Variants in APC observed in about 807,000 individuals in gnomAD.
APC encodes adenomatous polyposis coli protein.
In APC, 72 loss-of-function variants were observed where a neutral mutation model predicts 247.0. The ratio of observed to expected loss-of-function variants is 0.29; its 90% CI spans 0.24 to 0.35. The LOEUF is 0.35. Among genes scored for constraint, APC ranks in the 10% least tolerant of loss-of-function variants. The pLI, the probability that APC is intolerant of heterozygous loss-of-function variation, is 1.00. For synonymous variants in APC, 1,254 were observed against 1,162.5 expected, an observed-to-expected ratio of 1.08 and a Z score of -1.60; for missense variants, 3,400 against 3,360.7, an observed-to-expected ratio of 1.01 and a Z score of -0.29.
intron 1 of APC, among the ~76,000 whole-genome samples, chr5:112,719,696 G>A (rs908621149): frequency 2.6e-5 from 4 of 151,724 alleles, no homozygotes; most frequent in Admixed American, 6.6e-5. Context: ...CATCACACCC[G>A]GCTAATTTTT....
chr5:112,757,400 G>A (rs1024227722), intron 2 of APC, among the ~76,000 whole-genome samples: 7 of 151,998 alleles, frequency 4.6e-5, no homozygotes, highest in East Asian at 1.9e-4. Context: ...ATATAAACTC[G>A]AATCACGTTT....
At chr5:112,739,605 T>C (rs1367275970) in intron 1 of APC, among the ~76,000 whole-genome samples, 1 of 152,188 alleles carries the variant, frequency 6.6e-6, no homozygotes, top group Non-Finnish European at 1.5e-5. Flanking sequence ...ATGCCTGTAA[T>C]ACAAGCTAAA....
At chr5:112,717,557 A>G (rs1259696295) in intron 1 of APC, among the ~76,000 whole-genome samples, 2 of 152,146 alleles carry the variant, frequency 1.3e-5, no homozygotes, top group Non-Finnish European at 2.9e-5. Flanking sequence ...TTTGCTAGGT[A>G]CAGAATTCTA....
intron 1 of APC, among the ~76,000 whole-genome samples, chr5:112,715,710 G>A (rs1171937811): frequency 6.6e-6 from 1 of 152,122 alleles, no homozygotes; most frequent in African/African-American, 2.4e-5. Context: ...TTTGATACGT[G>A]TATAAAATGT....
intron 14 of APC, among the ~76,000 whole-genome samples, chr5:112,830,990 C>T (rs1013052828): frequency 3.3e-5 from 5 of 152,212 alleles, no homozygotes; most frequent in Non-Finnish European, 7.3e-5. Context: ...CTTAAGTACT[C>T]CTACTCTAAT....
At position 112,755,686 on chromosome 5, in the gene APC, G is replaced by A. The variant is rs150567014; in HGVS notation, c.135+661G>A. ...CACCTCCAAGACAGGTTAGAAAATCGTCTATAGTGGGGAAAATGTTCTGGT... is the reference window on the plus strand; with the variant it reads ...CACCTCCAAGACAGGTTAGAAAATCATCTATAGTGGGGAAAATGTTCTGGT... On this transcript the variant is annotated intron_variant, in intron 2 of 15. Transcript: ENST00000257430. Among the ~76,000 whole-genome samples, 738 of 152,238 alleles carry A rather than the reference G, an allele frequency of 4.8e-3. 3 individuals carry two copies. The highest frequency in any genetic ancestry group is 9.1e-3 in the Non-Finnish European group (621 of 68,010).
At chr5:112,790,052 G>A (rs983797222) in intron 6 of APC, among the ~76,000 whole-genome samples, 6 of 151,914 alleles carry the variant, frequency 3.9e-5, no homozygotes, top group African/African-American at 1.2e-4. Flanking sequence ...TAGAGACGGG[G>A]TTTCACCATG....
chr5:112,798,118 C>T (rs1561510258), intron 7 of APC, among the ~76,000 whole-genome samples: 1 of 152,190 alleles, frequency 6.6e-6, no homozygotes, highest in African/African-American at 2.4e-5. Flanking sequence ...AAGACTTAGA[C>T]TTGTATGTTC....
At chr5:112,821,561 T>A (rs1300741749) in intron 10 of APC, among the ~76,000 whole-genome samples, 6 of 152,022 alleles carry the variant, frequency 3.9e-5, no homozygotes, top group Non-Finnish European at 7.4e-5. Context: ...AATTAAACCA[T>A]TTTATACCAA....
chr5:112,786,886 CTT>C (rs1171592849), intron 6 of APC, among the ~76,000 whole-genome samples: 4 of 118,124 alleles, frequency 3.4e-5, no homozygotes, highest in Non-Finnish European at 5.2e-5. Context: ...TTTTCTTTTT[CTT>C]TTTTTTTTTT....
At position 112,775,706 on chromosome 5, in the gene APC, A is replaced by G. The variant is rs553005258; in HGVS notation, c.500A>G (p.Lys167Arg). 6.3e-7 allele frequency: 1 copy of G among 1,599,250 alleles called. No homozygotes were observed. Among genetic ancestry groups the G allele is most frequent in the Non-Finnish European group, 8.5e-7 (1 of 1,171,662 alleles). ...WYYAQLQNLT[K>R]RIDSLPLTEN... is the part of the protein sequence containing the mutation. ...TACGCTCAACTTCAGAATCTCACTA[A>G]AAGAATAGATAGTCTTCCTTTAACT... is the stretch of plus-strand genomic sequence containing the variant. Residue 167 changes from lysine to arginine, a missense_variant, in exon 5 of 16, where the codon AAA (lysine) becomes AGA (arginine). By Grantham distance (26) the Lys-to-Arg change is conservative (BLOSUM62 2). Coordinates refer to ENST00000257430, the MANE Select transcript of APC (RefSeq NM_000038.6).
upstream of APC, among the ~76,000 whole-genome samples, chr5:112,736,264 T>G (rs115678701): frequency 6.3e-3 from 959 of 152,348 alleles, 12 homozygotes; most frequent in African/African-American, 0.022. Flanking sequence ...ATTTCAAATA[T>G]GAAGGGAAAT....
At chr5:112,784,976 A>G (rs747576253) in intron 6 of APC, among the ~76,000 whole-genome samples, 1 of 152,110 alleles carries the variant, frequency 6.6e-6, no homozygotes, top group African/African-American at 2.4e-5. Flanking sequence ...AGGTGGTAGG[A>G]TTGCTTGAGC....
chr5:112,753,670 G>T (rs2149732312), intron 1 of APC, among the ~76,000 whole-genome samples: 1 of 152,194 alleles, frequency 6.6e-6, no homozygotes, highest in South Asian at 2.1e-4. Flanking sequence ...TCTAGCCGTT[G>T]TAGAACTAAC....
At chr5:112,712,929 G>A (rs1039703432) in intron 1 of APC, among the ~76,000 whole-genome samples, 1 of 152,152 alleles carries the variant, frequency 6.6e-6, no homozygotes, top group Non-Finnish European at 1.5e-5. Flanking sequence ...CCAGCACTTG[G>A]GGAGGCTGAG....
intron 6 of APC, among the ~76,000 whole-genome samples, chr5:112,784,012 G>T (rs1373605476): frequency 6.6e-6 from 1 of 151,978 alleles, no homozygotes; most frequent in Admixed American, 6.6e-5. Context: ...ATGACATGCA[G>T]TATTAGCAAG....
intron 5 of APC, among the ~76,000 whole-genome samples, chr5:112,779,870 C>T (rs566613945): frequency 1.3e-5 from 2 of 152,340 alleles, no homozygotes; most frequent in East Asian, 1.9e-4. Context: ...AATCTAACTA[C>T]AACTGACAAC....
chr5:112,729,521 A>G (rs369101527), intron 1 of APC, among the ~76,000 whole-genome samples: 55 of 152,344 alleles, frequency 3.6e-4, no homozygotes, highest in African/African-American at 1.2e-3. Flanking sequence ...CTAAGGCATA[A>G]GAAAGAGGTA....
intron 8 of APC, among the ~76,000 whole-genome samples, chr5:112,806,838 A>G (rs911078367): frequency 3.3e-5 from 5 of 152,144 alleles, no homozygotes; most frequent in Non-Finnish European, 7.4e-5. Context: ...TTGGCCTCCC[A>G]AAGTGCTACG....
Sources: allele counts gnomAD v4.1 joint callset (sites outside exome capture counted in the v4.1 genomes callset), GRCh38; gene constraint gnomAD v4.1.1; transcripts MANE v1.5; gene names NCBI Gene and HGNC (gene_info 2026-07-23, HGNC 2026-07-21).